Variants in AVEN observed in about 807,000 individuals in gnomAD.
AVEN encodes the protein apoptosis and caspase activation inhibitor, also known as cell death regulator Aven.
A neutral mutation model predicts 38.1 loss-of-function variants in AVEN; 41 were observed. That is an observed-to-expected ratio of 1.08 (90% confidence interval 0.84 to 1.40). AVEN has a LOEUF of 1.40. Ranked by LOEUF, AVEN falls within the 40% of genes most tolerant of loss-of-function variation. AVEN has a pLI of 0.00. For missense variants in AVEN, 605 were observed against 438.8 expected (o/e 1.38, Z -3.38); for synonymous variants, 206 against 171.8 (o/e 1.20, Z -1.56).
At chr15:33,859,752 G>C in intron 11 of AVEN, 2 of 1,594,416 alleles carry the variant, frequency 1.3e-6, no homozygotes, top group Non-Finnish European at 1.7e-6. Context: ...CAATTGTGTT[G>C]AGTATGAACA....
At chr15:34,040,586 C>CTG, upstream of AVEN, among the ~76,000 whole-genome samples, 1 of 152,182 alleles carries the variant, frequency 6.6e-6, no homozygotes, top group African/African-American at 2.4e-5. Context: ...GTGTTGTCTC[C>CTG]ATTTTACAGA....
rs2702303 is a variant in AVEN, at chr15:34,016,188, C to T, written c.268-12979G>A. Among the ~76,000 whole-genome samples the T allele has an allele frequency of 7.8e-3, 1,194 of 152,252 alleles. 10 individuals carry two copies. The highest frequency in any genetic ancestry group is 0.013 in the Non-Finnish European group (882 of 68,016). ...CTACTCGGTTACAGTGAGCCAAGAT[C>T]GTGCCATTGCACTCCAGCCTGGGCA... On this transcript the variant is annotated intron_variant, in intron 1 of 5. Coordinates refer to ENST00000306730, the MANE Select transcript of AVEN (RefSeq NM_020371.3).
At chr15:34,035,179 A>C (rs1222891176) in intron 1 of AVEN, among the ~76,000 whole-genome samples, 1 of 152,264 alleles carries the variant, frequency 6.6e-6, no homozygotes, top group African/African-American at 2.4e-5. Context: ...TTTGATCAGA[A>C]TTAAATGCCT....
At chr15:33,909,905 G>T (rs1485049329) in intron 2 of AVEN, among the ~76,000 whole-genome samples, 1 of 151,632 alleles carries the variant, frequency 6.6e-6, no homozygotes, top group Non-Finnish European at 1.5e-5. Context: ...GAGGCGGGTG[G>T]ATCACCTGAG....
intron 2 of AVEN, among the ~76,000 whole-genome samples, chr15:33,930,762 T>C (rs1893811689): frequency 6.6e-6 from 1 of 152,060 alleles, no homozygotes; most frequent in African/African-American, 2.4e-5. Context: ...GAAACCATCC[T>C]GGCTAACATG....
chr15:33,936,934 A>G (rs1894082425), intron 2 of AVEN, among the ~76,000 whole-genome samples: 1 of 151,812 alleles, frequency 6.6e-6, no homozygotes, highest in African/African-American at 2.4e-5. Flanking sequence ...GATCGAGACC[A>G]TCCTGGCTAA....
At chr15:33,865,655 A>ATAAC (rs1890260786), downstream of AVEN, 1 of 157,302 alleles carries the variant, frequency 6.4e-6, no homozygotes, top group South Asian at 2.0e-4. Context: ...CCAAAAGATA[A>ATAAC]TAACTGCAGT....
At chr15:34,011,668 C>T (rs192165055) in intron 1 of AVEN, among the ~76,000 whole-genome samples, 3 of 152,264 alleles carry the variant, frequency 2.0e-5, no homozygotes, top group African/African-American at 7.2e-5. Context: ...GAACTCAACC[C>T]TCAGTGCAGC....
chr15:33,905,457 C>A (rs1385593711), intron 2 of AVEN, among the ~76,000 whole-genome samples: 1 of 152,198 alleles, frequency 6.6e-6, no homozygotes, highest in Non-Finnish European at 1.5e-5. Context: ...CTTTGAAAGT[C>A]CAGCCCTCAC....
chr15:33,968,870 A>C (rs1895504209), intron 2 of AVEN: 1 of 152,108 alleles, frequency 6.6e-6, no homozygotes, highest in Admixed American at 6.6e-5. Context: ...TAAGTTCTCA[A>C]CACTCAGATT....
At chr15:33,909,519 G>A (rs1485858953) in intron 2 of AVEN, among the ~76,000 whole-genome samples, 1 of 152,152 alleles carries the variant, frequency 6.6e-6, no homozygotes, top group Non-Finnish European at 1.5e-5. Context: ...TAGTAAGGAA[G>A]AAAACTGTCA....
At chr15:33,872,618 G>C (rs966117234) in intron 3 of AVEN, among the ~76,000 whole-genome samples, 2 of 147,352 alleles carry the variant, frequency 1.4e-5, no homozygotes, top group African/African-American at 5.3e-5. Context: ...TCACTCAGCA[G>C]CCAGCAGTTT....
chr15:33,988,590 T>C (rs1896581928), intron 2 of AVEN, among the ~76,000 whole-genome samples: 1 of 152,172 alleles, frequency 6.6e-6, no homozygotes, highest in Non-Finnish European at 1.5e-5. Flanking sequence ...TCACCTGTGG[T>C]TGCAGGGTCA....
At chr15:34,071,141 T>C (rs1457372070) in intron 1 of AVEN, among the ~76,000 whole-genome samples, 2 of 152,220 alleles carry the variant, frequency 1.3e-5, no homozygotes, top group Non-Finnish European at 2.9e-5. Context: ...TTCTTGGCAA[T>C]GATTTTCTGA....
At chr15:33,963,907 G>A (rs1895292777) in intron 2 of AVEN, among the ~76,000 whole-genome samples, 1 of 151,990 alleles carries the variant, frequency 6.6e-6, no homozygotes, top group Non-Finnish European at 1.5e-5. Flanking sequence ...CAGTATCAGG[G>A]CTCATCAAGA....
At position 33,921,156 on chromosome 15, in the gene AVEN, C is replaced by G. The variant is rs1230033931; in HGVS notation, c.446-45161G>C. Among the ~76,000 whole-genome samples, 5 of 152,332 alleles carry G rather than the reference C, an allele frequency of 3.3e-5. No individual in the cohort carries two copies. In the East Asian group the frequency reaches 7.7e-4, roughly 23 times the overall value. On this transcript the variant is annotated intron_variant, in intron 2 of 5. Transcript: ENST00000306730. ...TTTTCCACAAAGCAAAATTTCCATT[C>G]TCATCACTATTATTAGTTAGTAGTA...
intron 2 of AVEN, among the ~76,000 whole-genome samples, chr15:33,883,482 T>C (rs1296128994): frequency 6.6e-6 from 1 of 152,148 alleles, no homozygotes; most frequent in Non-Finnish European, 1.5e-5. Flanking sequence ...CTCCATTTGG[T>C]AGGTCTGTAT....
At chr15:33,862,322 C>T (rs1244986319), downstream of AVEN, among the ~76,000 whole-genome samples, 1 of 152,104 alleles carries the variant, frequency 6.6e-6, no homozygotes, top group Non-Finnish European at 1.5e-5. Context: ...AAGACATCCG[C>T]CTCAGCCTCC....
At chr15:34,074,608 T>A (rs967580289) in exon 1 of AVEN, among the ~76,000 whole-genome samples, 2 of 152,134 alleles carry the variant, frequency 1.3e-5, no homozygotes, top group African/African-American at 4.8e-5. Context: ...CATATCATCT[T>A]CTCTCTTTGG....
Sources: allele counts gnomAD v4.1 joint callset (sites outside exome capture counted in the v4.1 genomes callset), GRCh38; gene constraint gnomAD v4.1.1; transcripts MANE v1.5; gene names NCBI Gene and HGNC (gene_info 2026-07-23, HGNC 2026-07-21).